Variants in TVP23A observed in about 807,000 individuals in gnomAD.
The protein encoded by TVP23A is trans-golgi network vesicle protein 23 homolog A.
In TVP23A, 21 loss-of-function variants were observed where a neutral mutation model predicts 31.7. The observed-to-expected ratio is 0.66, with a 90% CI of 0.47 to 0.95. The LOEUF (loss-of-function observed/expected upper bound fraction) is 0.95. TVP23A is among the 40% of genes least tolerant of loss of function. The probability of loss-of-function intolerance (pLI) is 0.00; values close to 1 mark genes in which losing one functional copy is unlikely to be tolerated. For synonymous variants in TVP23A, 104 were observed against 96.0 expected, an observed-to-expected ratio of 1.08 and a Z score of -0.49; for missense variants, 279 against 255.6, an observed-to-expected ratio of 1.09 and a Z score of -0.62.
chr16:10,800,563 A>C (rs1310338889), intron 2 of TVP23A, among the ~76,000 whole-genome samples: 1 of 152,200 alleles, frequency 6.6e-6, no homozygotes, highest in Non-Finnish European at 1.5e-5. Flanking sequence ...GTGGTTATTT[A>C]ATGGGAGAAT....
rs1379348917 is a variant in TVP23A, at chr16:10,800,589, AC to A, written c.89+17513del. 1.2e-4 allele frequency among the ~76,000 whole-genome samples: 19 copies of A among 152,228 alleles called. No individual in the cohort carries two copies. The South Asian group carries it at 3.7e-3, about 30-fold the overall frequency. ...ATGGGAGAATTGAGTGGTCATATTA[AC>A]TCCTTCAGCAAATACTGAATCACTA... On this transcript the variant is annotated intron_variant, in intron 2 of 7. Coordinates refer to ENST00000299866, the MANE Select transcript of TVP23A (RefSeq NM_001079512.4).
intron 2 of TVP23A, among the ~76,000 whole-genome samples, chr16:10,797,322 C>T (rs2033443838): frequency 6.6e-6 from 1 of 151,492 alleles, no homozygotes; most frequent in South Asian, 2.1e-4. Context: ...CACCTGAGGT[C>T]GGTAGTTCGA....
intron 2 of TVP23A, among the ~76,000 whole-genome samples, chr16:10,802,288 ATG>A (rs888569108): frequency 2.1e-4 from 24 of 114,994 alleles, no homozygotes; most frequent in Non-Finnish European, 4.2e-4. Flanking sequence ...GTGTGTGTAT[ATG>A]TGTGTGTGTG....
intron 2 of TVP23A, among the ~76,000 whole-genome samples, chr16:10,813,902 G>A (rs944072959): frequency 6.7e-6 from 1 of 150,072 alleles, no homozygotes; most frequent in Non-Finnish European, 1.5e-5. Flanking sequence ...AGGAGGCTGA[G>A]GCAGGAGAAT....
chr16:10,799,458 C>T (rs567625355), intron 2 of TVP23A, among the ~76,000 whole-genome samples: 3 of 152,174 alleles, frequency 2.0e-5, no homozygotes, highest in South Asian at 2.1e-4. Context: ...CTCAGCCTCC[C>T]GAGTAGCTCG....
At chr16:10,761,170 G>C, downstream of TVP23A, 1 of 502,114 alleles carries the variant, frequency 2.0e-6, no homozygotes, top group South Asian at 2.1e-5. Context: ...TGTTCCTGTA[G>C]GGATGTAGGG....
At chr16:10,815,557 A>G (rs149345829) in intron 2 of TVP23A, among the ~76,000 whole-genome samples, 7 of 152,326 alleles carry the variant, frequency 4.6e-5, no homozygotes, top group African/African-American at 1.7e-4. Flanking sequence ...GACTTTATGG[A>G]TGGGCTGCTA....
At chr16:10,786,537 T>C (rs1391597248) in intron 2 of TVP23A, among the ~76,000 whole-genome samples, 5 of 152,214 alleles carry the variant, frequency 3.3e-5, no homozygotes, top group African/African-American at 1.2e-4. Flanking sequence ...TTCTGTGTCC[T>C]CTTTCAGACA....
chr16:10,769,115 A>C lies in TVP23A; in HGVS notation c.*1-14T>G. The C allele has an allele frequency of 6.2e-7, 1 of 1,613,264 alleles. No individual in the cohort carries two copies. The highest frequency in any genetic ancestry group is 8.5e-7 in the Non-Finnish European group (1 of 1,179,266). On this transcript the variant is annotated splice_polypyrimidine_tract_variant and intron_variant, in intron 7 of 7. Transcript: ENST00000299866. Reference sequence around the variant, plus strand: ...CCTCATCAGTTCCTGAAACGAGAGAATGTTCAGGACCAAGCAGTTACCGAG... The same window carrying C: ...CCTCATCAGTTCCTGAAACGAGAGACTGTTCAGGACCAAGCAGTTACCGAG...
intron 2 of TVP23A, among the ~76,000 whole-genome samples, chr16:10,775,744 C>CTTTT (rs1004091841): frequency 7.0e-4 from 66 of 94,476 alleles, no homozygotes; most frequent in East Asian, 1.1e-3. Flanking sequence ...AATTGCTTTT[C>CTTTT]TTTTTTTTTT....
At chr16:10,786,813 A>G (rs571306491) in intron 2 of TVP23A, among the ~76,000 whole-genome samples, 1 of 152,214 alleles carries the variant, frequency 6.6e-6, no homozygotes, top group Admixed American at 6.5e-5. Context: ...TGAATTTAAA[A>G]GTAGAAGAAG....
At chr16:10,788,653 T>G (rs767025821) in intron 2 of TVP23A, among the ~76,000 whole-genome samples, 4 of 152,176 alleles carry the variant, frequency 2.6e-5, no homozygotes, top group Non-Finnish European at 5.9e-5. Context: ...CTCCACACTA[T>G]TTATTGAGTA....
chr16:10,797,810 G>C (rs1324198041), intron 2 of TVP23A, among the ~76,000 whole-genome samples: 1 of 152,002 alleles, frequency 6.6e-6, no homozygotes, highest in Admixed American at 6.6e-5. Flanking sequence ...AAATGATCGG[G>C]GGAAGGTGAA....
At position 10,818,564 on chromosome 16, in the gene TVP23A, G is replaced by A. The variant is rs1238837798; in HGVS notation, c.-71C>T. On this transcript the variant is annotated 5_prime_UTR_variant, in exon 1 of 8. Coordinates refer to ENST00000299866, the MANE Select transcript of TVP23A (RefSeq NM_001079512.4). This position sits in a 1 kb window ranked among gnomAD's most constrained non-coding sequence, Gnocchi z 4.7. ...TCCGCCCGTCGCCGCTGAAGGGGTC[G>A]GACGCCGGGCGGGCGGATGTAGGCA... 38 of 1,556,498 alleles carry A rather than the reference G, an allele frequency of 2.4e-5. No individual in the cohort carries two copies. Among genetic ancestry groups the A allele is most frequent in the Non-Finnish European group, 2.8e-5 (32 of 1,158,234 alleles).
At chr16:10,798,256 C>CT (rs553499664) in intron 2 of TVP23A, among the ~76,000 whole-genome samples, 1 of 151,694 alleles carries the variant, frequency 6.6e-6, no homozygotes, top group Non-Finnish European at 1.5e-5. Flanking sequence ...CGCGCCCGGC[C>CT]TTTTTTTTCT....
intron 2 of TVP23A, among the ~76,000 whole-genome samples, chr16:10,790,083 T>C (rs189686720): frequency 2.0e-5 from 3 of 152,088 alleles, no homozygotes; most frequent in East Asian, 1.9e-4. Flanking sequence ...TTAGAGACAA[T>C]AGAAGACAAA....
intron 2 of TVP23A, among the ~76,000 whole-genome samples, chr16:10,814,237 C>G (rs1353966949): frequency 3.3e-5 from 5 of 152,122 alleles, no homozygotes; most frequent in African/African-American, 9.7e-5. Flanking sequence ...GGGTGGCTCT[C>G]AAACATACCC....
rs542071161 is a variant in TVP23A, at chr16:10,768,137, CCA to C, written c.*963_*964del. 8.9e-4 allele frequency: 906 copies of C among 1,012,762 alleles called. 1 individual carries two copies. The highest frequency in any genetic ancestry group is 1.2e-3 in the Non-Finnish European group (788 of 663,924). 62.7% of individuals were successfully genotyped at this position (1,012,762 alleles called of 1,614,324 possible). On this transcript the variant is annotated 3_prime_UTR_variant, in exon 8 of 8. Transcript: ENST00000299866. The surrounding 1 kb of genome is among the most constrained non-coding windows in gnomAD (Gnocchi z 4.3). ...AGGTGGGTGGTGGGGTCTGTGATGA[CCA>C]CAGAGTGGCCCCCATAGCCGAGGAA...
At chr16:10,780,427 C>T (rs540996965) in intron 2 of TVP23A, among the ~76,000 whole-genome samples, 1 of 152,278 alleles carries the variant, frequency 6.6e-6, no homozygotes, top group South Asian at 2.1e-4. Context: ...GGGCACAACT[C>T]TAGGTGGGCT....
Sources: allele counts gnomAD v4.1 joint callset (sites outside exome capture counted in the v4.1 genomes callset), GRCh38; gene constraint gnomAD v4.1.1; non-coding constraint Gnocchi (gnomAD v3.1); transcripts MANE v1.5; gene names NCBI Gene and HGNC (gene_info 2026-07-23, HGNC 2026-07-21).